PCDH7: variants seen among roughly 807,000 people sequenced by gnomAD.
PCDH7 encodes the protein protocadherin-7.
In PCDH7, 17 loss-of-function variants were observed where a neutral mutation model predicts 58.9. That is an observed-to-expected ratio of 0.29 (90% CI 0.20 to 0.43). The LOEUF is 0.43. Ranked by LOEUF, PCDH7 falls within the 20% of genes least tolerant of loss-of-function variation. The pLI is 1.00. For missense variants in PCDH7, 1,274 were observed against 1,441.0 expected (o/e 0.88, Z 1.88); for synonymous variants, 664 against 616.4 (o/e 1.08, Z -1.14).
At chr4:31,057,478 G>A (rs28710098) in intron 3 of PCDH7, among the ~76,000 whole-genome samples, 1 of 152,070 alleles carries the variant, frequency 6.6e-6, no homozygotes, top group Admixed American at 6.6e-5. Context: ...TTTCCTATAT[G>A]TCCGTGAGAA....
chr4:30,992,436 T>A (rs545632511), intron 3 of PCDH7, among the ~76,000 whole-genome samples: 2 of 152,156 alleles, frequency 1.3e-5, no homozygotes, highest in African/African-American at 4.8e-5. Context: ...TAGGGGGAAA[T>A]GGTAGTATTT....
chr4:30,740,874 G>T (rs1339144945), intron 1 of PCDH7, among the ~76,000 whole-genome samples: 2 of 80,424 alleles, frequency 2.5e-5, no homozygotes, highest in African/African-American at 5.1e-5. Flanking sequence ...AAATTTTTAT[G>T]ATACATGCTT....
chr4:30,966,764 T>C (rs1055692364), intron 3 of PCDH7, among the ~76,000 whole-genome samples: 1 of 152,102 alleles, frequency 6.6e-6, no homozygotes, highest in African/African-American at 2.4e-5. Context: ...AAAACTCTCC[T>C]CAGACCATGC....
At chr4:30,783,736 A>G (rs970142935) in intron 1 of PCDH7, among the ~76,000 whole-genome samples, 5 of 152,140 alleles carry the variant, frequency 3.3e-5, no homozygotes, top group Non-Finnish European at 7.3e-5. Context: ...TTCTCCTAGC[A>G]CTAGTTACCT....
chr4:31,089,648 T>C (rs1233697557), intron 3 of PCDH7, among the ~76,000 whole-genome samples: 1 of 152,098 alleles, frequency 6.6e-6, no homozygotes, highest in Non-Finnish European at 1.5e-5. Context: ...AATAGTGACA[T>C]ATTTACGTAT....
chr4:30,830,742 A>G (rs1007956290), intron 1 of PCDH7, among the ~76,000 whole-genome samples: 1 of 152,080 alleles, frequency 6.6e-6, no homozygotes, highest in African/African-American at 2.4e-5. Context: ...AAAATCATTT[A>G]TGCTTTTCTC....
intron 1 of PCDH7, among the ~76,000 whole-genome samples, chr4:30,784,092 T>C (rs1171192680): frequency 6.6e-6 from 1 of 152,196 alleles, no homozygotes; most frequent in African/African-American, 2.4e-5. Context: ...TCTGATTTAC[T>C]AGAGCATATC....
At chr4:30,938,590 T>A (rs1354200883) in intron 2 of PCDH7, among the ~76,000 whole-genome samples, 3 of 152,074 alleles carry the variant, frequency 2.0e-5, no homozygotes, top group Non-Finnish European at 2.9e-5. Flanking sequence ...TAATAAATTA[T>A]CCTTTCCAAA....
At chr4:30,795,347 AACATTTT>A (rs1451424580) in intron 1 of PCDH7, among the ~76,000 whole-genome samples, 1 of 152,202 alleles carries the variant, frequency 6.6e-6, no homozygotes, top group Non-Finnish European at 1.5e-5. Context: ...TGGGTAAGTG[AACATTTT>A]ACGTATGACA....
At chr4:30,736,102 G>A (rs1344576180), downstream of PCDH7, among the ~76,000 whole-genome samples, 2 of 152,164 alleles carry the variant, frequency 1.3e-5, no homozygotes, top group African/African-American at 4.8e-5. Context: ...AGTAAAAATA[G>A]TTGCCACTTT....
chr4:30,872,169 C>A (rs543410424), intron 1 of PCDH7, among the ~76,000 whole-genome samples: 10 of 152,028 alleles, frequency 6.6e-5, no homozygotes, highest in Middle Eastern at 3.2e-3. Context: ...AGTTCCTTAC[C>A]AATTACTGCT....
intron 1 of PCDH7, among the ~76,000 whole-genome samples, chr4:30,905,015 A>G (rs1023207933): frequency 6.6e-6 from 1 of 152,220 alleles, no homozygotes; most frequent in Non-Finnish European, 1.5e-5. Context: ...GTAGTTTCCT[A>G]AACAGATTTC....
At chr4:31,120,687 A>T (rs1717585226) in intron 3 of PCDH7, among the ~76,000 whole-genome samples, 1 of 152,202 alleles carries the variant, frequency 6.6e-6, no homozygotes, top group Non-Finnish European at 1.5e-5. Context: ...TGCAGTGGCT[A>T]AGCAAGGGTA....
intron 1 of PCDH7, among the ~76,000 whole-genome samples, chr4:30,801,007 G>A (rs1725461595): frequency 6.6e-6 from 1 of 152,222 alleles, no homozygotes; most frequent in Non-Finnish European, 1.5e-5. Context: ...AGCTCTGGAA[G>A]GAGGGATGCT....
chr4:31,098,822 A>C (rs1714515610), intron 3 of PCDH7, among the ~76,000 whole-genome samples: 1 of 152,206 alleles, frequency 6.6e-6, no homozygotes, highest in African/African-American at 2.4e-5. Flanking sequence ...AGACTTAAAC[A>C]GAAATCTGTT....
chr4:31,049,010 T>A (rs7662263), intron 3 of PCDH7, among the ~76,000 whole-genome samples: 13,963 of 152,194 alleles, frequency 0.092, 965 homozygotes, highest in East Asian at 0.23. Context: ...GTAATTTTTT[T>A]AATTATACTT....
rs552781304 is a variant in PCDH7, at chr4:30,874,114, G to A, written c.71-46039G>A. On this transcript the variant is annotated intron_variant, in intron 1 of 3. Coordinates refer to the PCDH7 transcript ENST00000509759. ...TGTTGGTGGGACTGTAAACTAGTTCGACCATTGTGGAAGTCAGTGTGGCAA... is the reference window on the plus strand; with the variant it reads ...TGTTGGTGGGACTGTAAACTAGTTCAACCATTGTGGAAGTCAGTGTGGCAA... Among the ~76,000 whole-genome samples the A allele has an allele frequency of 1.1e-3, 164 of 151,932 alleles. 1 individual carries two copies. The highest frequency in any genetic ancestry group is 3.4e-3 in the African/African-American group (139 of 41,428).
intron 1 of PCDH7, among the ~76,000 whole-genome samples, chr4:30,919,382 T>G (rs1742893656): frequency 6.6e-6 from 1 of 152,176 alleles, no homozygotes; most frequent in Non-Finnish European, 1.5e-5. Flanking sequence ...GTCAGTAACA[T>G]AGTAAATTGT....
intron 1 of PCDH7, among the ~76,000 whole-genome samples, chr4:30,838,922 C>G (rs1431598096): frequency 6.6e-6 from 1 of 151,998 alleles, no homozygotes; most frequent in Admixed American, 6.6e-5. Flanking sequence ...AAGCATCTCC[C>G]TACTTTCTTC....
Sources: allele counts gnomAD v4.1 joint callset (sites outside exome capture counted in the v4.1 genomes callset), GRCh38; gene constraint gnomAD v4.1.1; transcripts MANE v1.5; gene names NCBI Gene and HGNC (gene_info 2026-07-23, HGNC 2026-07-21).